CACNA2D1: variants seen among roughly 807,000 people sequenced by gnomAD.
CACNA2D1 encodes voltage-dependent calcium channel subunit alpha-2/delta-1.
In CACNA2D1, 53 loss-of-function variants were observed where a neutral mutation model predicts 171.5. The observed-to-expected ratio is 0.31, with a 90% CI of 0.25 to 0.39. The LOEUF is 0.39. Among genes scored for constraint, CACNA2D1 ranks in the 10% least tolerant of loss-of-function variants. CACNA2D1 has a pLI of 1.00. For synonymous variants in CACNA2D1, 442 were observed against 443.1 expected, an observed-to-expected ratio of 1.00 and a Z score of 0.03; for missense variants, 903 against 1,299.8, an observed-to-expected ratio of 0.69 and a Z score of 4.69.
At position 82,168,612 on chromosome 7, in the gene CACNA2D1, C is replaced by A. The variant is rs1325995755; in HGVS notation, c.354+1938G>T. On this transcript the variant is annotated intron_variant, in intron 4 of 38. Transcript: ENST00000356860. ...CTCAATATAGAAAACAAAATAATTG[C>A]CAAATGTTAGTGTTAATGAGCCCAA... 2.0e-5 allele frequency among the ~76,000 whole-genome samples: 3 copies of A among 151,740 alleles called. No individual in the cohort carries two copies. The East Asian group carries it at 5.8e-4, about 29-fold the overall frequency.
chr7:82,287,525 G>A (rs1810961768), intron 3 of CACNA2D1, among the ~76,000 whole-genome samples: 1 of 152,056 alleles, frequency 6.6e-6, no homozygotes, highest in South Asian at 2.1e-4. Context: ...TCACTGCACT[G>A]TTTTTTAGTG....
chr7:82,248,485 T>C (rs1054482421), intron 3 of CACNA2D1, among the ~76,000 whole-genome samples: 3 of 152,222 alleles, frequency 2.0e-5, no homozygotes, highest in Non-Finnish European at 2.9e-5. Flanking sequence ...TTAATAATCA[T>C]GAAAATATGA....
chr7:82,443,850 A>C (rs1286384613), upstream of CACNA2D1: 2 of 214,634 alleles, frequency 9.3e-6, no homozygotes, highest in Non-Finnish European at 1.6e-5. Flanking sequence ...GCGGGGGCGG[A>C]GGAGGGGTGA....
chr7:82,134,495 G>A (rs866820673), intron 5 of CACNA2D1, among the ~76,000 whole-genome samples: 2 of 152,204 alleles, frequency 1.3e-5, no homozygotes, highest in African/African-American at 4.8e-5. Flanking sequence ...TTCTGATAAC[G>A]TTATTGTTTG....
At chr7:82,010,228 G>A (rs571220269) in intron 15 of CACNA2D1, among the ~76,000 whole-genome samples, 2 of 151,876 alleles carry the variant, frequency 1.3e-5, no homozygotes, top group South Asian at 4.2e-4. Flanking sequence ...TAATATAACT[G>A]TTTATTTTTG....
At chr7:82,128,977 C>T (rs542111842) in intron 5 of CACNA2D1, among the ~76,000 whole-genome samples, 2 of 152,100 alleles carry the variant, frequency 1.3e-5, no homozygotes, top group South Asian at 2.1e-4. Flanking sequence ...TATGTTATAT[C>T]CAAAGGTATT....
At chr7:81,959,894 A>AAGATTCTTACATATT (rs1793900502) in intron 36 of CACNA2D1, 65 bp from the exon 37 acceptor site, 1 of 1,557,050 alleles carries the variant, frequency 6.4e-7, no homozygotes, top group Admixed American at 1.9e-5. Flanking sequence ...AAATCTTTCA[A>AAGATTCTTACATATT]AGATTCTTAC....
At chr7:81,992,127 G>C (rs1005527101) in intron 20 of CACNA2D1, among the ~76,000 whole-genome samples, 2 of 151,686 alleles carry the variant, frequency 1.3e-5, no homozygotes, top group Admixed American at 6.6e-5. Flanking sequence ...ACAGGAGTGA[G>C]CCACCGCTCT....
intron 3 of CACNA2D1, among the ~76,000 whole-genome samples, chr7:82,331,599 T>C (rs2129443786): frequency 6.6e-6 from 1 of 152,370 alleles, no homozygotes; most frequent in East Asian, 1.9e-4. Context: ...TTAGCCATTG[T>C]GTCTTCAGTA....
chr7:82,086,131 C>T lies in CACNA2D1; in HGVS notation c.527-1231G>A, dbSNP rs543855549. Among the ~76,000 whole-genome samples the T allele has an allele frequency of 1.2e-4, 18 of 152,198 alleles. No individual in the cohort carries two copies. The South Asian group carries it at 2.3e-3, about 19-fold the overall frequency. Reference sequence around the variant, plus strand: ...AAAGACTGGAGATACAGCTTAACGTCTTTCTATTTTTTTCTGTGATGACAG... The same window carrying T: ...AAAGACTGGAGATACAGCTTAACGTTTTTCTATTTTTTTCTGTGATGACAG... On this transcript the variant is annotated intron_variant, in intron 6 of 38. Transcript: ENST00000356860.
Position 82,405,884 on chromosome 7 carries a change from G to T in CACNA2D1, c.95+37481C>A, listed in dbSNP as rs116082032. On this transcript the variant is annotated intron_variant, in intron 1 of 38. Coordinates refer to ENST00000356860, the MANE Select transcript of CACNA2D1 (RefSeq NM_000722.4). ...TGGTGTTCATTTTACTGCTTTTGGG[G>T]GACAAATCTTTTTTTATATATATAC... 4.7e-3 allele frequency among the ~76,000 whole-genome samples: 720 copies of T among 151,730 alleles called. 6 individuals are homozygous for T. Among genetic ancestry groups the T allele is most frequent in the African/African-American group, 0.016 (680 of 41,446 alleles).
At chr7:82,261,781 C>T (rs1029056850) in intron 3 of CACNA2D1, among the ~76,000 whole-genome samples, 1 of 151,940 alleles carries the variant, frequency 6.6e-6, no homozygotes, top group Admixed American at 6.6e-5. Context: ...ATTACTTTGG[C>T]ATTCCGTGTT....
chr7:82,212,841 G>A (rs987689614), intron 3 of CACNA2D1, among the ~76,000 whole-genome samples: 17 of 151,890 alleles, frequency 1.1e-4, no homozygotes, highest in Admixed American at 3.9e-4. Context: ...TAGATTTAAG[G>A]TTTCAGAGCA....
At chr7:82,231,094 A>C (rs1802880674) in intron 3 of CACNA2D1, among the ~76,000 whole-genome samples, 1 of 152,244 alleles carries the variant, frequency 6.6e-6, no homozygotes, top group African/African-American at 2.4e-5. Flanking sequence ...AAATTCATTA[A>C]ATCAGACTTC....
At chr7:82,054,863 C>T (rs965955252) in intron 10 of CACNA2D1, among the ~76,000 whole-genome samples, 4 of 152,158 alleles carry the variant, frequency 2.6e-5, no homozygotes, top group Admixed American at 2.0e-4. Flanking sequence ...TGGGGATGCA[C>T]CTAGCATTTG....
At chr7:81,982,138 C>CT (rs946576200) in intron 24 of CACNA2D1, among the ~76,000 whole-genome samples, 80 of 143,504 alleles carry the variant, frequency 5.6e-4, no homozygotes, top group South Asian at 3.6e-3. Context: ...ATAGTAATTG[C>CT]TTTTTTTTTT....
At chr7:82,062,908 G>C in intron 9 of CACNA2D1, among the ~76,000 whole-genome samples, 1 of 151,454 alleles carries the variant, frequency 6.6e-6, no homozygotes. Flanking sequence ...TGCCCAGCTG[G>C]TTTTTCTTTT....
intron 3 of CACNA2D1, among the ~76,000 whole-genome samples, chr7:82,250,081 C>A (rs1805448055): frequency 6.6e-6 from 1 of 152,212 alleles, no homozygotes. Context: ...CAGAGAGAGG[C>A]ACCAGTGGCA....
At chr7:81,999,501 T>G (rs1798376818) in intron 18 of CACNA2D1, among the ~76,000 whole-genome samples, 1 of 152,216 alleles carries the variant, frequency 6.6e-6, no homozygotes, top group South Asian at 2.1e-4. Flanking sequence ...AATTTTAAAT[T>G]GAAATAATTA....
Sources: allele counts gnomAD v4.1 joint callset (sites outside exome capture counted in the v4.1 genomes callset), GRCh38; gene constraint gnomAD v4.1.1; transcripts MANE v1.5; gene names NCBI Gene and HGNC (gene_info 2026-07-23, HGNC 2026-07-21).